Variants in SYNE1 observed in about 807,000 individuals in gnomAD.
The protein encoded by SYNE1 is spectrin repeat containing nuclear envelope protein 1.
SYNE1 carries 616 observed loss-of-function variants against 1,111.0 expected under a neutral mutation model. The observed-to-expected ratio is 0.55, with a 90% CI of 0.52 to 0.59. The LOEUF is 0.59. SYNE1 is among the 20% of genes least tolerant of loss of function. The pLI is 0.00. For synonymous variants in SYNE1, 3,855 were observed against 3,825.8 expected, an observed-to-expected ratio of 1.01 and a Z score of -0.28; for missense variants, 10,006 against 10,417.0, an observed-to-expected ratio of 0.96 and a Z score of 1.72.
intron 87 of SYNE1, 41 bp downstream of exon 87, chr6:152,316,808 G>T (rs775144293): frequency 1.9e-6 from 3 of 1,611,650 alleles, no homozygotes; most frequent in Non-Finnish European, 2.5e-6. Flanking sequence ...AAATCAAATT[G>T]CCCTTGGTTA....
intron 124 of SYNE1, among the ~76,000 whole-genome samples, chr6:152,209,888 A>G (rs1485302055): frequency 6.6e-6 from 1 of 152,206 alleles, no homozygotes; most frequent in East Asian, 1.9e-4. Context: ...ATACTTCCCT[A>G]AAAGTTACAA....
chr6:152,225,692 T>C (rs762084211), intron 116 of SYNE1, 29 bp downstream of exon 116: 1 of 1,614,060 alleles, frequency 6.2e-7, no homozygotes, highest in South Asian at 1.1e-5. Flanking sequence ...AACACGGTCC[T>C]GGAGCTGGCT....
chr6:152,233,675 C>T (rs2153523430), intron 112 of SYNE1, 106 bp downstream of exon 112: 1 of 1,405,104 alleles, frequency 7.1e-7, no homozygotes, highest in African/African-American at 1.4e-5. Flanking sequence ...GGCCAGGTGT[C>T]TGGGACAAAG....
Position 152,385,801 on chromosome 6 carries a change from T to C in SYNE1, c.8525A>G (p.His2842Arg), listed in dbSNP as rs544797417. ...GTGGACCGCATCTAAATACATTAGA[T>C]GATCTTTCACAATCTCTTCCACTTT... ...MRKVEEIVKD[H>R]LMYLDAVHEF... Residue 2842 changes from histidine (H) to arginine (R), a missense_variant, in exon 55 of 146, where the codon CAT becomes CGT. Physicochemically the swap from His to Arg is conservative, Grantham distance 29 (BLOSUM62 0). This residue lies in a region of SYNE1 where 4,955 missense variants were observed against 5,017.2 expected (regional missense o/e 0.99). Transcript: ENST00000367255. 2 of 1,614,110 alleles carry C rather than the reference T, an allele frequency of 1.2e-6. No homozygotes were observed. The highest frequency in any genetic ancestry group is 4.5e-5 in the East Asian group (2 of 44,868).
intron 117 of SYNE1, among the ~76,000 whole-genome samples, chr6:152,221,901 T>C (rs2080267050): frequency 6.6e-6 from 1 of 152,182 alleles, no homozygotes; most frequent in Non-Finnish European, 1.5e-5. Flanking sequence ...TTGTGTAATG[T>C]CCTTGTCCTT....
chr6:152,138,495 A>G (rs2057621887), intron 140 of SYNE1, among the ~76,000 whole-genome samples: 1 of 151,278 alleles, frequency 6.6e-6, no homozygotes, highest in Non-Finnish European at 1.5e-5. Flanking sequence ...TGGGTGATAG[A>G]GTGAGACTCT....
At chr6:152,523,405 T>C (rs1183554884) in intron 5 of SYNE1, among the ~76,000 whole-genome samples, 1 of 152,180 alleles carries the variant, frequency 6.6e-6, no homozygotes, top group Admixed American at 6.5e-5. Context: ...TCTGTTCCAT[T>C]GGTCTATGTA....
intron 3 of SYNE1, among the ~76,000 whole-genome samples, chr6:152,627,264 G>A (rs2099687588): frequency 6.6e-6 from 1 of 152,104 alleles, no homozygotes; most frequent in Admixed American, 6.5e-5. Flanking sequence ...TTTGTTTCAA[G>A]GAATATTGAA....
intron 3 of SYNE1, among the ~76,000 whole-genome samples, chr6:152,623,970 T>C (rs2099680971): frequency 6.6e-6 from 1 of 152,148 alleles, no homozygotes; most frequent in Non-Finnish European, 1.5e-5. Context: ...TAAGAAATAT[T>C]ATACTTAAAA....
intron 82 of SYNE1, 52 bp downstream of exon 82, chr6:152,323,426 G>A (rs373601299): frequency 3.1e-6 from 5 of 1,599,450 alleles, no homozygotes; most frequent in East Asian, 2.2e-5. Context: ...GCGACAGAGC[G>A]AGACTCCAAA....
At chr6:152,437,397 T>G (rs2098483400) in intron 32 of SYNE1, among the ~76,000 whole-genome samples, 1 of 152,170 alleles carries the variant, frequency 6.6e-6, no homozygotes, top group Non-Finnish European at 1.5e-5. Context: ...ATCCTTTTCT[T>G]AGAAGGTTAC....
chr6:152,175,263 A>G (rs1358582100), intron 130 of SYNE1, among the ~76,000 whole-genome samples: 2 of 152,228 alleles, frequency 1.3e-5, no homozygotes, highest in Non-Finnish European at 2.9e-5. Flanking sequence ...ATTGTCACTA[A>G]AAGATAATCT....
In SYNE1 at chr6:152,331,383, C is replaced by T; in HGVS notation, c.13302G>A (p.Val4434=). Residue 4434 remains valine (V), a synonymous_variant, in exon 78 of 146, where the codon GTG becomes GTA. Coordinates refer to ENST00000367255, the MANE Select transcript of SYNE1 (RefSeq NM_182961.4). The stretch of plus-strand genomic sequence containing the variant: ...GGCCCACTAAGTCACTGAGACAATT[C>T]ACGTGGCTTTGTGCATCAGAGAGAG... ...QKALSDAQSH[V]NCLSDLVGQR... is the part of the protein sequence containing the mutation. The T allele has an allele frequency of 1.2e-6, 2 of 1,614,178 alleles. No homozygotes were observed. Among genetic ancestry groups the T allele is most frequent in the Non-Finnish European group, 1.7e-6 (2 of 1,180,030 alleles).
rs574373444 is a variant in SYNE1, at chr6:152,123,263, A to G, written c.26154-587T>C. 3.5e-4 allele frequency among the ~76,000 whole-genome samples: 53 copies of G among 152,338 alleles called. 1 individual carries two copies. Among genetic ancestry groups the G allele is most frequent in the South Asian group, 4.1e-4 (2 of 4,832 alleles). The stretch of plus-strand genomic sequence containing the variant: ...CACTGAATCAGCATCAGGCCCTGAC[A>G]TTAGCGGGTTCCAAAGCTGTACGAA... On this transcript the variant is annotated intron_variant, in intron 145 of 145. Coordinates refer to ENST00000367255, the MANE Select transcript of SYNE1 (RefSeq NM_182961.4).
intron 14 of SYNE1, among the ~76,000 whole-genome samples, chr6:152,478,278 C>A (rs940828700): frequency 6.6e-6 from 1 of 152,154 alleles, no homozygotes; most frequent in African/African-American, 2.4e-5. Flanking sequence ...TCTCAAAGAG[C>A]TTTGCTGTAA....
intron 101 of SYNE1, among the ~76,000 whole-genome samples, chr6:152,258,691 T>C (rs910386869): frequency 1.3e-5 from 2 of 152,056 alleles, no homozygotes; most frequent in Non-Finnish European, 2.9e-5. Context: ...GGTGTAGCAT[T>C]CAAACTTTTG....
intron 11 of SYNE1, 136 bp from the exon 12 acceptor site, chr6:152,488,639 A>G (rs2098953959): frequency 1.7e-6 from 1 of 586,332 alleles, no homozygotes; most frequent in East Asian, 2.8e-5. Context: ...CTTTCTCCTT[A>G]CCCCCACCTT....
chr6:152,376,326 G>A (rs1489723729), intron 58 of SYNE1, 55 bp downstream of exon 58: 2 of 1,594,020 alleles, frequency 1.3e-6, no homozygotes, highest in East Asian at 2.2e-5. Context: ...TGATTTAGAG[G>A]TTAACTTTAG....
At chr6:152,477,584 C>T (rs1159326781) in intron 14 of SYNE1, among the ~76,000 whole-genome samples, 1 of 152,088 alleles carries the variant, frequency 6.6e-6, no homozygotes, top group African/African-American at 2.4e-5. Flanking sequence ...ACCTAATATC[C>T]CATGTCCTTT....
Sources: allele counts gnomAD v4.1 joint callset (sites outside exome capture counted in the v4.1 genomes callset), GRCh38; gene constraint gnomAD v4.1.1; regional missense constraint gnomAD v4.1.1; transcripts MANE v1.5; gene names NCBI Gene and HGNC (gene_info 2026-07-23, HGNC 2026-07-21).